UGGT2: variants seen among roughly 807,000 people sequenced by gnomAD.
The protein encoded by UGGT2 is UDP-glucose:glycoprotein glucosyltransferase 2.
A neutral mutation model predicts 192.1 loss-of-function variants in UGGT2; 180 were observed. The observed-to-expected ratio is 0.94, with a 90% CI of 0.83 to 1.06. UGGT2 has a LOEUF of 1.06. UGGT2 is among the 50% of genes least tolerant of loss of function. The pLI is 0.00. For missense variants in UGGT2, 1,849 were observed against 1,795.7 expected (o/e 1.03, Z -0.54); for synonymous variants, 580 against 591.0 (o/e 0.98, Z 0.27).
At chr13:95,813,402 G>T (rs1228644382) in intron 38 of UGGT2, among the ~76,000 whole-genome samples, 3 of 152,112 alleles carry the variant, frequency 2.0e-5, no homozygotes, top group Non-Finnish European at 4.4e-5. Flanking sequence ...TGTGCCCTAG[G>T]GATCTGTGGA....
chr13:96,046,890 T>A (rs1002073898), intron 1 of UGGT2, among the ~76,000 whole-genome samples: 1 of 152,086 alleles, frequency 6.6e-6, no homozygotes, highest in Admixed American at 6.5e-5. Context: ...CAGTCTGAGA[T>A]CCAACCGCAA....
At chr13:95,875,513 G>A (rs1268809347) in intron 29 of UGGT2, among the ~76,000 whole-genome samples, 1 of 152,126 alleles carries the variant, frequency 6.6e-6, no homozygotes, top group Non-Finnish European at 1.5e-5. Context: ...CATAATATAT[G>A]ATATGTGTAC....
At chr13:95,852,017 G>A (rs1366847305) in intron 36 of UGGT2, among the ~76,000 whole-genome samples, 2 of 152,108 alleles carry the variant, frequency 1.3e-5, no homozygotes, top group Admixed American at 1.3e-4. Flanking sequence ...ACTGGCAATA[G>A]TGAAGAGACC....
At chr13:95,955,918 G>C (rs544989907) in intron 12 of UGGT2, among the ~76,000 whole-genome samples, 2 of 152,130 alleles carry the variant, frequency 1.3e-5, no homozygotes, top group South Asian at 4.2e-4. Flanking sequence ...TAGTGTCTCA[G>C]TTTCTTCATC....
intron 5 of UGGT2, among the ~76,000 whole-genome samples, chr13:95,999,631 G>C (rs1247633162): frequency 6.6e-6 from 1 of 152,076 alleles, no homozygotes; most frequent in African/African-American, 2.4e-5. Flanking sequence ...TCCAATAACA[G>C]ACAAGTTTCA....
chr13:95,970,804 GAATCTAAATGT>G (rs1388433412), intron 11 of UGGT2, among the ~76,000 whole-genome samples: 1 of 152,076 alleles, frequency 6.6e-6, no homozygotes, highest in Non-Finnish European at 1.5e-5. Context: ...ACAAATTGGG[GAATCTAAATGT>G]TTAAACTACT....
At chr13:96,046,625 G>A (rs114711462) in intron 1 of UGGT2, among the ~76,000 whole-genome samples, 2,896 of 152,278 alleles carry the variant, frequency 0.019, 84 homozygotes, top group African/African-American at 0.066. Flanking sequence ...GTGGGTACAG[G>A]GCAGTGGGTG....
intron 36 of UGGT2, among the ~76,000 whole-genome samples, chr13:95,845,632 A>G (rs1888335939): frequency 6.6e-6 from 1 of 151,842 alleles, no homozygotes; most frequent in African/African-American, 2.4e-5. Context: ...CCCCTTTTCT[A>G]TTCGACAAAA....
rs147927483 is a variant in UGGT2, at chr13:95,927,272, C to T, written c.2042G>A (p.Arg681His). 1.0e-4 allele frequency: 166 copies of T among 1,612,186 alleles called. No individual in the cohort carries two copies. The highest frequency in any genetic ancestry group is 5.2e-4 in the Middle Eastern group (3 of 5,774). ...FLMDRNNVVP[R>H]INTLILRTNQ... is the part of the protein sequence containing the mutation. ...AGTACGCAAAATCAAAGTATTTATA[C>T]GGGGTACAACATTATTCCTATCCAT... The change falls in exon 18 of 39, where the codon CGT (arginine) becomes CAT (histidine). Residue 681 changes from arginine to histidine, a missense_variant. Arg to His is a conservative substitution (Grantham distance 29). Transcript: ENST00000376747.
At chr13:95,868,961 T>C (rs1489321929) in intron 29 of UGGT2, among the ~76,000 whole-genome samples, 3 of 152,034 alleles carry the variant, frequency 2.0e-5, no homozygotes, top group African/African-American at 4.8e-5. Flanking sequence ...TGTATACATG[T>C]GCCATGTTGG....
At chr13:95,865,321 G>C (rs1285088668) in intron 30 of UGGT2, among the ~76,000 whole-genome samples, 5 of 152,088 alleles carry the variant, frequency 3.3e-5, no homozygotes, top group Admixed American at 6.6e-5. Context: ...GAAAGAGGTG[G>C]TTAGGAGATA....
At chr13:96,037,754 T>G (rs181338813) in intron 1 of UGGT2, among the ~76,000 whole-genome samples, 3 of 152,334 alleles carry the variant, frequency 2.0e-5, no homozygotes, top group African/African-American at 7.2e-5. Flanking sequence ...TCCTTCAACC[T>G]ATTCAATGCT....
chr13:95,865,955 C>T (rs1193364063), intron 30 of UGGT2, among the ~76,000 whole-genome samples: 1 of 152,134 alleles, frequency 6.6e-6, no homozygotes, highest in African/African-American at 2.4e-5. Flanking sequence ...TTAAGTAATC[C>T]GTCCAAGGTC....
chr13:95,911,603 A>G (rs879888616), intron 20 of UGGT2, among the ~76,000 whole-genome samples: 3 of 152,222 alleles, frequency 2.0e-5, no homozygotes, highest in Non-Finnish European at 4.4e-5. Flanking sequence ...ATAGCCTACC[A>G]ACTAAAAAAA....
chr13:95,873,660 C>T (rs1891414878), intron 29 of UGGT2, among the ~76,000 whole-genome samples: 1 of 152,194 alleles, frequency 6.6e-6, no homozygotes, highest in South Asian at 2.1e-4. Context: ...GGAGCCCTTC[C>T]TGTCCAGGAT....
At chr13:96,011,165 A>G (rs898939709) in intron 5 of UGGT2, among the ~76,000 whole-genome samples, 1 of 152,176 alleles carries the variant, frequency 6.6e-6, no homozygotes, top group Non-Finnish European at 1.5e-5. Flanking sequence ...TAAAATCTGA[A>G]TGACCTTGAG....
intron 30 of UGGT2, among the ~76,000 whole-genome samples, 181 bp downstream of exon 30, chr13:95,867,158 C>T (rs1890745761): frequency 6.6e-6 from 1 of 152,068 alleles, no homozygotes; most frequent in African/African-American, 2.4e-5. Flanking sequence ...CTTCTATCTT[C>T]AAGTTCTGTT....
rs1312821850 is a variant in UGGT2, at chr13:95,995,888, C to G, written c.830+175G>C. 4 of 590,538 alleles carry G rather than the reference C, an allele frequency of 6.8e-6. No homozygotes were observed. In the African/African-American group the frequency reaches 7.9e-5, roughly 12 times the overall value. 36.6% of individuals were successfully genotyped at this position (590,538 alleles called of 1,614,324 possible). On this transcript the variant is annotated intron_variant, in intron 7 of 38. Transcript: ENST00000376747. ...AAATGTGCTTTTCTGCTTTCTGTAG[C>G]TTTTTGACATTAGCCATGTGTTACT...
At chr13:95,845,702 T>C (rs571455313) in intron 36 of UGGT2, among the ~76,000 whole-genome samples, 35 of 151,790 alleles carry the variant, frequency 2.3e-4, no homozygotes, top group South Asian at 1.3e-3. Context: ...CCAGACAGGG[T>C]GGCGGCTGGT....
Sources: allele counts gnomAD v4.1 joint callset (sites outside exome capture counted in the v4.1 genomes callset), GRCh38; gene constraint gnomAD v4.1.1; transcripts MANE v1.5; gene names NCBI Gene and HGNC (gene_info 2026-07-23, HGNC 2026-07-21).